RXRA: variants seen among roughly 807,000 people sequenced by gnomAD.
RXRA encodes retinoid X receptor alpha, also known as retinoic acid receptor RXR-alpha.
In RXRA, 5 loss-of-function variants were observed where a neutral mutation model predicts 44.5. The ratio of observed to expected loss-of-function variants is 0.11; its 90% confidence interval spans 0.06 to 0.24. RXRA has a LOEUF of 0.24. Ranked by LOEUF, RXRA falls within the 10% of genes least tolerant of loss-of-function variation. The probability of loss-of-function intolerance (pLI) is 1.00; values close to 1 mark genes in which losing one functional copy is unlikely to be tolerated. For synonymous variants in RXRA, 291 were observed against 271.4 expected (o/e 1.07, Z -0.71); for missense variants, 412 against 646.5 (o/e 0.64, Z 3.93).
At chr9:134,397,563 C>T (rs1471394706) in intron 1 of RXRA, among the ~76,000 whole-genome samples, 1 of 152,198 alleles carries the variant, frequency 6.6e-6, no homozygotes, top group Non-Finnish European at 1.5e-5. Flanking sequence ...TGAGAGGCGC[C>T]TTGGGGCTAC....
At chr9:134,377,337 A>G (rs1830570885) in intron 1 of RXRA, among the ~76,000 whole-genome samples, 1 of 152,172 alleles carries the variant, frequency 6.6e-6, no homozygotes, top group Admixed American at 6.5e-5. Context: ...TGTCCCCATC[A>G]CTGCCTGACC....
At chr9:134,424,483 C>A in intron 6 of RXRA, 1 of 985,482 alleles carries the variant, frequency 1.0e-6, no homozygotes, top group African/African-American at 1.7e-5. Context: ...TCGAGGGCCG[C>A]ATGGTGAGGT....
chr9:134,335,705 C>A (rs997056378), intron 1 of RXRA, among the ~76,000 whole-genome samples: 1 of 152,180 alleles, frequency 6.6e-6, no homozygotes, highest in Non-Finnish European at 1.5e-5. Context: ...CCTGATGTCC[C>A]CTCTCCTTCC....
chr9:134,422,463 C>CACACTCCCTGCTACCGGG (rs1831360202), intron 6 of RXRA: 1 of 1,257,396 alleles, frequency 8.0e-7, no homozygotes, highest in Non-Finnish European at 1.0e-6. Flanking sequence ...ACTCCCGGGA[C>CACACTCCCTGCTACCGGG]ACACTCCCTG....
intron 1 of RXRA, among the ~76,000 whole-genome samples, chr9:134,347,998 A>C (rs551545478): frequency 6.6e-5 from 10 of 152,204 alleles, no homozygotes; most frequent in Middle Eastern, 3.4e-3. Context: ...AGAGGTGGTC[A>C]TGGCCATGGC....
Position 134,426,780 on chromosome 9 carries a change from C to G in RXRA, c.911-2328C>G, listed in dbSNP as rs1426652437. On this transcript the variant is annotated intron_variant, in intron 6 of 9. Coordinates refer to ENST00000481739, the MANE Select transcript of RXRA (RefSeq NM_002957.6). This position sits in a 1 kb window ranked among gnomAD's most constrained non-coding sequence, Gnocchi z 4.6. Reference sequence around the variant, plus strand: ...AGGGAGAGAGGCAGGCCCGAGAGGCCAGGACTGGCCAGGGATGGTGGGTTT... The same window carrying G: ...AGGGAGAGAGGCAGGCCCGAGAGGCGAGGACTGGCCAGGGATGGTGGGTTT... The G allele has an allele frequency of 2.0e-6, 2 of 985,272 alleles. No homozygotes were observed. Among genetic ancestry groups the G allele is most frequent in the African/African-American group, 3.5e-5 (2 of 57,226 alleles). 61.0% of individuals were successfully genotyped at this position (985,272 alleles called of 1,614,324 possible). A position where few individuals can be genotyped will look rare whatever the true frequency, so the allele number is the denominator to read the frequency against.
chr9:134,410,775 T>G (rs943450167), intron 4 of RXRA, among the ~76,000 whole-genome samples: 2 of 152,184 alleles, frequency 1.3e-5, no homozygotes, highest in Non-Finnish European at 2.9e-5. Context: ...CACAGAGAGC[T>G]TGGTTTAGCC....
At chr9:134,421,361 CA>C (rs763485475) in intron 5 of RXRA, among the ~76,000 whole-genome samples, 13 of 152,142 alleles carry the variant, frequency 8.5e-5, no homozygotes, top group Non-Finnish European at 1.2e-4. Flanking sequence ...CCTTGGGCCC[CA>C]GCGTCTGTGA....
chr9:134,383,889 A>G (rs1361566559), intron 1 of RXRA, among the ~76,000 whole-genome samples: 3 of 152,160 alleles, frequency 2.0e-5, no homozygotes, highest in Non-Finnish European at 4.4e-5. Context: ...AGGAGGGAAC[A>G]AGGGATCCTG....
At chr9:134,411,628 CTGCTGCTGTCAAGGGACCTCCTCCCCTT>C (rs1269258173) in intron 4 of RXRA, among the ~76,000 whole-genome samples, 1 of 152,228 alleles carries the variant, frequency 6.6e-6, no homozygotes, top group Non-Finnish European at 1.5e-5. Context: ...AGAGAAACTG[CTGCTGCTGTCAAGGGACCTCCTCCCCTT>C]TGCCTCCAGC....
chr9:134,340,714 A>T (rs1179031285), intron 1 of RXRA, among the ~76,000 whole-genome samples: 1 of 152,150 alleles, frequency 6.6e-6, no homozygotes, highest in Non-Finnish European at 1.5e-5. Context: ...CAGGCTGAGC[A>T]GGTAGATTGG....
chr9:134,340,687 C>T (rs1830075713), intron 1 of RXRA, among the ~76,000 whole-genome samples: 1 of 152,208 alleles, frequency 6.6e-6, no homozygotes, highest in Admixed American at 6.5e-5. Flanking sequence ...CCAGCAGTGC[C>T]TAAGCCACAT....
At chr9:134,338,035 G>A (rs984285146) in intron 1 of RXRA, among the ~76,000 whole-genome samples, 2 of 152,204 alleles carry the variant, frequency 1.3e-5, no homozygotes, top group Admixed American at 6.5e-5. Flanking sequence ...GCCCTCGTGG[G>A]CTGCCAGGCC....
At chr9:134,336,188 C>T (rs535390159) in intron 1 of RXRA, among the ~76,000 whole-genome samples, 342 of 152,308 alleles carry the variant, frequency 2.2e-3, no homozygotes, top group Non-Finnish European at 3.7e-3. Context: ...CGCACCATCC[C>T]GGGCCCAGTG....
intron 4 of RXRA, among the ~76,000 whole-genome samples, chr9:134,414,712 CT>C (rs1001362725): frequency 6.6e-6 from 1 of 152,236 alleles, no homozygotes; most frequent in Non-Finnish European, 1.5e-5. Flanking sequence ...GGCACTGAGA[CT>C]TTAGAATTCT....
At chr9:134,355,455 G>A (rs1432743920) in intron 1 of RXRA, among the ~76,000 whole-genome samples, 5 of 149,798 alleles carry the variant, frequency 3.3e-5, no homozygotes, top group African/African-American at 1.2e-4. Flanking sequence ...GAGCTCACCT[G>A]CAGCTCAGTC....
At chr9:134,405,095 G>GCCCGCTGGGGGGCTGTGGAA (rs1831027774) in intron 2 of RXRA, 2 of 152,450 alleles carry the variant, frequency 1.3e-5, no homozygotes, top group South Asian at 4.1e-4. Flanking sequence ...GGGCTGTGGA[G>GCCCGCTGGGGGGCTGTGGAA]CCCACTGGGG....
intron 1 of RXRA, chr9:134,379,654 C>T: frequency 1.0e-6 from 1 of 985,390 alleles, no homozygotes; most frequent in Non-Finnish European, 1.2e-6. Context: ...CTGACCCCAC[C>T]CTGCGGTCCT....
intron 1 of RXRA, among the ~76,000 whole-genome samples, chr9:134,397,701 A>G (rs1188025269): frequency 6.6e-6 from 1 of 152,114 alleles, no homozygotes; most frequent in Non-Finnish European, 1.5e-5. Flanking sequence ...TGTGGTCCCT[A>G]AGTGGGCACG....
Sources: gnomAD v4.1 joint callset for allele counts (sites outside exome capture counted in the v4.1 genomes callset) on GRCh38, gnomAD v4.1.1 for gene constraint, Gnocchi (gnomAD v3.1) non-coding constraint, MANE v1.5 for transcripts, NCBI Gene and HGNC (gene_info 2026-07-23, HGNC 2026-07-21) for gene names.